Variants in DLG2 observed in about 807,000 individuals in gnomAD.
DLG2 encodes the protein disks large homolog 2.
In DLG2, 45 loss-of-function variants were observed where a neutral mutation model predicts 132.5. The observed-to-expected ratio is 0.34, with a 90% CI of 0.27 to 0.44. DLG2 has a LOEUF of 0.44. Among genes scored for constraint, DLG2 ranks in the 20% least tolerant of loss-of-function variants. The pLI is 1.00. For synonymous variants in DLG2, 424 were observed against 419.6 expected (o/e 1.01, Z -0.13); for missense variants, 1,045 against 1,196.9 (o/e 0.87, Z 1.87).
chr11:84,125,086 G>A (rs2094113882), intron 9 of DLG2, among the ~76,000 whole-genome samples: 1 of 152,050 alleles, frequency 6.6e-6, no homozygotes, highest in African/African-American at 2.4e-5. Context: ...ACGACCTCAG[G>A]TGATATGCCC....
At chr11:84,260,085 T>TA (rs2097531721) in intron 7 of DLG2, among the ~76,000 whole-genome samples, 1 of 152,122 alleles carries the variant, frequency 6.6e-6, no homozygotes, top group Non-Finnish European at 1.5e-5. Context: ...TTGCAGAAAA[T>TA]AAATGAATAT....
At chr11:85,342,575 G>C (rs2082573300) in intron 3 of DLG2, among the ~76,000 whole-genome samples, 1 of 152,152 alleles carries the variant, frequency 6.6e-6, no homozygotes, top group African/African-American at 2.4e-5. Flanking sequence ...TCTAAAAAAT[G>C]ATTTAAAAGT....
chr11:84,873,001 A>G (rs1422997296), intron 6 of DLG2, among the ~76,000 whole-genome samples: 2 of 152,224 alleles, frequency 1.3e-5, no homozygotes, highest in African/African-American at 2.4e-5. Context: ...GAATTGTTAC[A>G]TCTATTTCAC....
At chr11:84,492,015 C>A (rs1290222750) in intron 7 of DLG2, among the ~76,000 whole-genome samples, 1 of 151,864 alleles carries the variant, frequency 6.6e-6, no homozygotes, top group Non-Finnish European at 1.5e-5. Context: ...ATTCTAGAGG[C>A]TTTTAAAAAG....
intron 2 of DLG2, among the ~76,000 whole-genome samples, chr11:85,609,544 A>T (rs1048017006): frequency 1.3e-5 from 2 of 152,196 alleles, no homozygotes; most frequent in Non-Finnish European, 2.9e-5. Flanking sequence ...ACACTTTAAA[A>T]AAGATTGTCC....
intron 18 of DLG2, among the ~76,000 whole-genome samples, chr11:83,762,144 G>A (rs1361896997): frequency 6.6e-6 from 1 of 152,204 alleles, no homozygotes; most frequent in East Asian, 1.9e-4. Flanking sequence ...TTAATATTTT[G>A]AAGAAGGCAT....
intron 6 of DLG2, chr11:84,545,671 C>A: frequency 3.5e-6 from 1 of 285,992 alleles, no homozygotes; most frequent in Admixed American, 3.5e-5. Flanking sequence ...AATCCCTTTG[C>A]TTGCCACTGC....
intron 19 of DLG2, among the ~76,000 whole-genome samples, chr11:83,555,315 G>A (rs1207101278): frequency 1.3e-5 from 2 of 152,228 alleles, no homozygotes; most frequent in Non-Finnish European, 2.9e-5. Flanking sequence ...GTAATGGGAA[G>A]CCTTTGGGGA....
chr11:84,693,184 G>A (rs950198307), intron 6 of DLG2, among the ~76,000 whole-genome samples: 5 of 151,726 alleles, frequency 3.3e-5, no homozygotes, highest in East Asian at 1.9e-4. Context: ...GTATATTATC[G>A]CTGTTAATTG....
In DLG2 at chr11:84,868,114, TTAA is replaced by T. The variant is rs1332610138; in HGVS notation, c.357+243544_357+243546del. 1.0e-4 allele frequency among the ~76,000 whole-genome samples: 15 copies of T among 147,950 alleles called. 1 individual carries two copies. Among genetic ancestry groups the T allele is most frequent in the African/African-American group, 3.2e-4 (13 of 40,718 alleles). On this transcript the variant is annotated intron_variant, in intron 6 of 27. Transcript: ENST00000376104. ...CTTATTAATAATATATTATTATATA[TTAA>T]TAATTATATTTATTAATATTTTATT...
chr11:85,158,787 A>G (rs967397110), intron 4 of DLG2, among the ~76,000 whole-genome samples: 1 of 140,986 alleles, frequency 7.1e-6, no homozygotes, highest in African/African-American at 2.6e-5. Flanking sequence ...GAGCTCTGGC[A>G]CTGGCTAATT....
chr11:84,193,219 A>G (rs946485564), intron 8 of DLG2, among the ~76,000 whole-genome samples: 1 of 152,198 alleles, frequency 6.6e-6, no homozygotes, highest in African/African-American at 2.4e-5. Flanking sequence ...CTCTGGCAGG[A>G]GCTTAGGAAG....
chr11:83,869,647 T>C (rs1347722254), intron 16 of DLG2, among the ~76,000 whole-genome samples: 1 of 152,198 alleles, frequency 6.6e-6, no homozygotes, highest in Non-Finnish European at 1.5e-5. Context: ...CTACTTTTTG[T>C]TTTTCTTTTT....
chr11:84,541,730 T>C (rs2099372193), intron 6 of DLG2, among the ~76,000 whole-genome samples: 1 of 152,068 alleles, frequency 6.6e-6, no homozygotes, highest in Admixed American at 6.6e-5. Context: ...ATCTGAGCAA[T>C]AACATGATCC....
At chr11:83,851,080 G>C (rs1257068479) in intron 16 of DLG2, among the ~76,000 whole-genome samples, 1 of 151,856 alleles carries the variant, frequency 6.6e-6, no homozygotes, top group Non-Finnish European at 1.5e-5. Flanking sequence ...GGGAGGCTGA[G>C]GCAGGAGAAT....
At chr11:83,499,485 A>G (rs1390146070) in intron 21 of DLG2, among the ~76,000 whole-genome samples, 1 of 152,098 alleles carries the variant, frequency 6.6e-6, no homozygotes, top group East Asian at 1.9e-4. Context: ...GTTTTGACAC[A>G]CTGCCAAATT....
chr11:85,421,680 T>C (rs1396473281), intron 3 of DLG2, among the ~76,000 whole-genome samples: 1 of 152,124 alleles, frequency 6.6e-6, no homozygotes, highest in Non-Finnish European at 1.5e-5. Context: ...TCTTGAAATG[T>C]GAGGTACCAT....
intron 11 of DLG2, among the ~76,000 whole-genome samples, chr11:84,005,783 C>G (rs80085352): frequency 2.9e-3 from 444 of 151,700 alleles, no homozygotes; most frequent in African/African-American, 0.01. Flanking sequence ...ATCATCTTAT[C>G]CCAGGTAGAA....
chr11:84,501,497 T>C (rs963591992), intron 7 of DLG2, among the ~76,000 whole-genome samples: 1 of 152,098 alleles, frequency 6.6e-6, no homozygotes, highest in Non-Finnish European at 1.5e-5. Context: ...CCCGGGAAGA[T>C]GGACGGTGGA....
Sources: allele counts gnomAD v4.1 joint callset (sites outside exome capture counted in the v4.1 genomes callset), GRCh38; gene constraint gnomAD v4.1.1; transcripts MANE v1.5; gene names NCBI Gene and HGNC (gene_info 2026-07-23, HGNC 2026-07-21).